The following ZNF423 variants were observed in gnomAD, a reference collection of about 807,000 sequenced individuals.
The protein encoded by ZNF423 is Ebf-associated zinc finger protein.
A neutral mutation model predicts 95.8 loss-of-function variants in ZNF423; 12 were observed. The ratio of observed to expected loss-of-function variants is 0.13; its 90% CI spans 0.08 to 0.20. ZNF423 has a LOEUF of 0.20. Among genes scored for constraint, ZNF423 ranks in the 10% least tolerant of loss-of-function variants. ZNF423 has a pLI of 1.00. For synonymous variants in ZNF423, 749 were observed against 711.9 expected (o/e 1.05, Z -0.83); for missense variants, 1,316 against 1,737.1 (o/e 0.76, Z 4.31).
At chr16:49,814,011 T>A (rs1169620921) in intron 1 of ZNF423, among the ~76,000 whole-genome samples, 1 of 152,218 alleles carries the variant, frequency 6.6e-6, no homozygotes, top group Non-Finnish European at 1.5e-5. Flanking sequence ...TTAGCAGGAT[T>A]TGCCGAACTC....
intron 3 of ZNF423, among the ~76,000 whole-genome samples, chr16:49,705,642 G>A (rs1596887706): frequency 6.6e-6 from 1 of 152,194 alleles, no homozygotes; most frequent in Non-Finnish European, 1.5e-5. Context: ...CTACCTCCCT[G>A]GTTCAAGCGA....
At position 49,721,116 on chromosome 16, in the gene ZNF423, C is replaced by T. The variant is rs563630713; in HGVS notation, c.301+9655G>A. On this transcript the variant is annotated intron_variant, in intron 3 of 7. Coordinates refer to ENST00000563137, the MANE Select transcript of ZNF423 (RefSeq NM_001379286.1). Reference sequence around the variant, plus strand: ...GACATGGGGCAGTGTCTCTGGAGGCCCTGGAGGACCAAGCTTGAGGCCAGC... The same window carrying T: ...GACATGGGGCAGTGTCTCTGGAGGCTCTGGAGGACCAAGCTTGAGGCCAGC... 4.6e-5 allele frequency among the ~76,000 whole-genome samples: 7 copies of T among 152,248 alleles called. No homozygotes were observed. The East Asian group carries it at 1.4e-3, about 29-fold the overall frequency.
chr16:49,776,652 G>A (rs1251095256), intron 2 of ZNF423, among the ~76,000 whole-genome samples: 1 of 152,214 alleles, frequency 6.6e-6, no homozygotes, highest in Non-Finnish European at 1.5e-5. Context: ...GCAAGTTGGG[G>A]GTTGCGGGGC....
intron 5 of ZNF423, among the ~76,000 whole-genome samples, chr16:49,529,849 G>A (rs926482023): frequency 2.6e-5 from 4 of 152,062 alleles, no homozygotes; most frequent in Admixed American, 1.3e-4. Context: ...TGCACTGAGC[G>A]TGACCTGCTC....
At chr16:49,670,898 G>A (rs2030776893) in intron 3 of ZNF423, among the ~76,000 whole-genome samples, 2 of 152,192 alleles carry the variant, frequency 1.3e-5, no homozygotes. Flanking sequence ...TGGTATGATG[G>A]GAATGGAATT....
At chr16:49,540,979 A>T (rs1463939316) in intron 5 of ZNF423, among the ~76,000 whole-genome samples, 1 of 152,122 alleles carries the variant, frequency 6.6e-6, no homozygotes, top group Admixed American at 6.5e-5. Context: ...CACCTCCCCA[A>T]CTTCCCATGG....
At chr16:49,660,841 T>TGG (rs373506257) in intron 3 of ZNF423, among the ~76,000 whole-genome samples, 1 of 138,192 alleles carries the variant, frequency 7.2e-6, no homozygotes, top group African/African-American at 2.7e-5. Flanking sequence ...TGTGGGGGGA[T>TGG]GGGGGGGGAG....
chr16:49,735,174 C>T (rs566494829), intron 2 of ZNF423, among the ~76,000 whole-genome samples: 2 of 152,274 alleles, frequency 1.3e-5, no homozygotes, highest in African/African-American at 4.8e-5. Context: ...ATCTCCACAG[C>T]CTTGAAGGTC....
chr16:49,488,327 C>T lies in ZNF423; in HGVS notation c.*2948G>A, dbSNP rs1200785907. On this transcript the variant is annotated 3_prime_UTR_variant, in exon 8 of 8. Coordinates refer to ENST00000563137, the MANE Select transcript of ZNF423 (RefSeq NM_001379286.1). ...TGAGACTGAAACCCTTACCTGCCTG[C>T]TTCTGGGCACTCTGGGCAGGTGTTC... The T allele has an allele frequency of 6.6e-6, 1 of 152,180 alleles. No individual in the cohort carries two copies. The highest frequency in any genetic ancestry group is 1.5e-5 in the Non-Finnish European group (1 of 68,038). 9.4% of individuals were successfully genotyped at this position (152,180 alleles called of 1,614,324 possible).
In ZNF423 at chr16:49,736,193, AG is replaced by A. The variant is rs2033282178; in HGVS notation, c.101-5223del. 8.5e-5 allele frequency among the ~76,000 whole-genome samples: 13 copies of A among 152,342 alleles called. No homozygotes were observed. In the South Asian group the frequency reaches 2.7e-3, roughly 32 times the overall value. On this transcript the variant is annotated intron_variant, in intron 2 of 7. Coordinates refer to ENST00000563137, the MANE Select transcript of ZNF423 (RefSeq NM_001379286.1). ...CACAGGTAGAGGCAGAAGGAGGGGA[AG>A]GGGCCACAGTGCAGTTTATTGTCTG...
At chr16:49,586,887 G>A (rs1330864393) in intron 5 of ZNF423, among the ~76,000 whole-genome samples, 5 of 152,158 alleles carry the variant, frequency 3.3e-5, no homozygotes, top group African/African-American at 1.2e-4. Context: ...GGTGAGGACA[G>A]CACCAAGGCA....
At chr16:49,851,580 C>T (rs1003231559) in intron 1 of ZNF423, among the ~76,000 whole-genome samples, 3 of 152,208 alleles carry the variant, frequency 2.0e-5, no homozygotes, top group African/African-American at 7.2e-5. Flanking sequence ...TCCCCCTCCT[C>T]CTCCTCCTCT....
chr16:49,586,443 C>A (rs1970838170), intron 5 of ZNF423, among the ~76,000 whole-genome samples: 1 of 152,232 alleles, frequency 6.6e-6, no homozygotes, highest in Non-Finnish European at 1.5e-5. Context: ...AAGAGTCAAG[C>A]CCCTATCAGC....
At chr16:49,634,204 CTTT>C (rs528621494) in intron 4 of ZNF423, among the ~76,000 whole-genome samples, 69 of 114,222 alleles carry the variant, frequency 6.0e-4, no homozygotes, top group Admixed American at 1.1e-3. Context: ...CCACACCTGG[CTTT>C]TTTTTTTTTT....
intron 3 of ZNF423, among the ~76,000 whole-genome samples, chr16:49,708,560 G>A (rs1218373284): frequency 6.6e-6 from 1 of 152,128 alleles, no homozygotes; most frequent in African/African-American, 2.4e-5. Flanking sequence ...AAAGTGCTGA[G>A]ATTACAGGCA....
At chr16:49,615,372 AACTT>A (rs377103514) in intron 5 of ZNF423, among the ~76,000 whole-genome samples, 1 of 152,326 alleles carries the variant, frequency 6.6e-6, no homozygotes, top group African/African-American at 2.4e-5. Context: ...TTGTAATTCA[AACTT>A]ACTTAGCCTG....
chr16:49,855,582 GCCTCCGCCTCCGCCTCCTCTGCCGCCT>G lies in ZNF423; in HGVS notation c.40+126_40+152del, dbSNP rs1567373737. 7.0e-6 allele frequency among the ~76,000 whole-genome samples: 1 copy of G among 143,740 alleles called. No individual in the cohort carries two copies. The highest frequency in any genetic ancestry group is 2.2e-4 in the East Asian group (1 of 4,630). 94.3% of individuals were successfully genotyped at this position (143,740 alleles called of 152,430 possible). On this transcript the variant is annotated intron_variant, in intron 1 of 7. Coordinates refer to ENST00000563137, the MANE Select transcript of ZNF423 (RefSeq NM_001379286.1). This position sits in a 1 kb window ranked among gnomAD's most constrained non-coding sequence, Gnocchi z 4.7. ...TTCCTCCTCCCCCTCCTCCGCCTCC[GCCTCCGCCTCCGCCTCCTCTGCCGCCT>G]CCTCCTCCTCCTCTCGGCTCGCTCG...
At position 49,812,658 on chromosome 16, in the gene ZNF423, C is replaced by A. The variant is rs144783626; in HGVS notation, c.41-23112G>T. On this transcript the variant is annotated intron_variant, in intron 1 of 7. Transcript: ENST00000563137. ...TTGTGCCACTGCACTCCAGCCTGGG[C>A]AACAGCGTGAGATCCCATCTCAGAA... Among the ~76,000 whole-genome samples, 1,071 of 152,260 alleles carry A rather than the reference C, an allele frequency of 7.0e-3. 5 individuals are homozygous for A. Among genetic ancestry groups the A allele is most frequent in the African/African-American group, 0.022 (924 of 41,532 alleles).
chr16:49,512,247 A>G (rs1269445770), intron 7 of ZNF423, among the ~76,000 whole-genome samples: 2 of 152,162 alleles, frequency 1.3e-5, no homozygotes, highest in African/African-American at 4.8e-5. Context: ...ACGTCCACAC[A>G]TGATTGATTG....
Sources: gnomAD v4.1 joint callset for allele counts (sites outside exome capture counted in the v4.1 genomes callset) on GRCh38, gnomAD v4.1.1 for gene constraint, Gnocchi (gnomAD v3.1) non-coding constraint, MANE v1.5 for transcripts, NCBI Gene and HGNC (gene_info 2026-07-23, HGNC 2026-07-21) for gene names.